Variants in ZNF236 observed in about 807,000 individuals in gnomAD.
The protein encoded by ZNF236 is regulated by glucose.
A neutral mutation model predicts 191.2 loss-of-function variants in ZNF236; 50 were observed. That is an observed-to-expected ratio of 0.26 (90% CI 0.21 to 0.33). ZNF236 has a LOEUF of 0.33. Ranked by LOEUF, ZNF236 falls within the 10% of genes least tolerant of loss-of-function variation. The probability of loss-of-function intolerance (pLI) is 1.00; values close to 1 mark genes in which losing one functional copy is unlikely to be tolerated. For synonymous variants in ZNF236, 907 were observed against 928.8 expected, an observed-to-expected ratio of 0.98 and a Z score of 0.43; for missense variants, 1,754 against 2,374.5, an observed-to-expected ratio of 0.74 and a Z score of 5.43.
rs369801104 is a variant in ZNF236 at position 76,923,189 on chromosome 18, C to G, written c.3661+15C>G. On this transcript the variant is annotated intron_variant, in intron 21 of 30. Transcript: ENST00000320610. Reference sequence around the variant, plus strand: ...GACTCACACAGGTAAGGAAAACATGCCTGCGTCATTGGTAGAGGTCTTAGG... The same window carrying G: ...GACTCACACAGGTAAGGAAAACATGGCTGCGTCATTGGTAGAGGTCTTAGG... 15 of 1,537,960 alleles carry G rather than the reference C, an allele frequency of 9.8e-6. No homozygotes were observed. The highest frequency in any genetic ancestry group is 1.4e-5 in the Non-Finnish European group (15 of 1,110,722).
chr18:76,943,969 G>A (rs1011545261), intron 26 of ZNF236, among the ~76,000 whole-genome samples: 3 of 152,196 alleles, frequency 2.0e-5, no homozygotes, highest in Admixed American at 2.0e-4. Context: ...AGTAAGTGAG[G>A]TTGATTTATG....
chr18:76,847,658 A>G (rs1232324955), intron 1 of ZNF236, among the ~76,000 whole-genome samples: 1 of 152,044 alleles, frequency 6.6e-6, no homozygotes, highest in East Asian at 1.9e-4. Context: ...TTTAGTAGAG[A>G]CAGGGTTTCA....
intron 19 of ZNF236, among the ~76,000 whole-genome samples, chr18:76,916,127 T>C (rs1967357641): frequency 6.6e-6 from 1 of 152,246 alleles, no homozygotes; most frequent in African/African-American, 2.4e-5. Context: ...CTTCCTTTCA[T>C]GCTTGGGCGC....
At chr18:76,881,542 A>T in intron 9 of ZNF236, 30 bp downstream of exon 9, 1 of 1,586,936 alleles carries the variant, frequency 6.3e-7, no homozygotes, top group Non-Finnish European at 8.6e-7. Context: ...AAGTTTGGAC[A>T]TTTGGGATAG....
intron 26 of ZNF236, among the ~76,000 whole-genome samples, chr18:76,943,210 C>G (rs550995435): frequency 1.3e-5 from 2 of 150,230 alleles, no homozygotes; most frequent in South Asian, 4.3e-4. Context: ...GTCCATAATT[C>G]TAATTTAAAA....
At chr18:76,886,543 A>G (rs1397748588) in intron 9 of ZNF236, 3 of 192,418 alleles carry the variant, frequency 1.6e-5, no homozygotes, top group Non-Finnish European at 3.2e-5. Context: ...GTCAATTTCT[A>G]TAGCAAGCCT....
intron 1 of ZNF236, among the ~76,000 whole-genome samples, chr18:76,835,658 C>T (rs1975302695): frequency 6.6e-6 from 1 of 152,098 alleles, no homozygotes; most frequent in South Asian, 2.1e-4. Context: ...AATTCTTTTA[C>T]TTTGTCTTTC....
At chr18:76,902,606 C>CT (rs1187121522) in intron 11 of ZNF236, among the ~76,000 whole-genome samples, 1 of 152,052 alleles carries the variant, frequency 6.6e-6, no homozygotes, top group Non-Finnish European at 1.5e-5. Flanking sequence ...GAGTCTCACT[C>CT]TGTCACCCAG....
At chr18:76,840,156 G>T (rs1367564378) in intron 1 of ZNF236, among the ~76,000 whole-genome samples, 1 of 152,146 alleles carries the variant, frequency 6.6e-6, no homozygotes, top group Admixed American at 6.5e-5. Context: ...AAATTTACAG[G>T]TAGTAAAGCA....
chr18:76,970,993 G>A lies in ZNF236; in HGVS notation c.*2654G>A, dbSNP rs774740362. Among the ~76,000 whole-genome samples, 2 of 152,220 alleles carry A rather than the reference G, an allele frequency of 1.3e-5. No homozygotes were observed. The highest frequency in any genetic ancestry group is 2.9e-5 in the Non-Finnish European group (2 of 68,026). On this transcript the variant is annotated 3_prime_UTR_variant, in exon 31 of 31. Coordinates refer to ENST00000320610, the MANE Select transcript of ZNF236 (RefSeq NM_001306089.2). ...CTGTTCCTGTTCCCTTTCATTTGCT[G>A]CTTTATTCAACGGCACCCAGTCATT... is the stretch of plus-strand genomic sequence containing the variant.
At chr18:76,932,767 G>GT (rs1253136444) in intron 25 of ZNF236, among the ~76,000 whole-genome samples, 1 of 152,244 alleles carries the variant, frequency 6.6e-6, no homozygotes, top group Admixed American at 6.5e-5. Flanking sequence ...TTCAGTTTGA[G>GT]TGGAGTGGTG....
At chr18:76,894,851 G>A (rs561069142) in intron 9 of ZNF236, among the ~76,000 whole-genome samples, 162 bp from the exon 10 acceptor site, 1 of 152,294 alleles carries the variant, frequency 6.6e-6, no homozygotes, top group South Asian at 2.1e-4. Context: ...GGGTTTCAGC[G>A]AGATTAACTC....
chr18:76,882,108 G>C (rs957691019), intron 9 of ZNF236, among the ~76,000 whole-genome samples: 1 of 152,164 alleles, frequency 6.6e-6, no homozygotes, highest in Non-Finnish European at 1.5e-5. Context: ...ACATCATACT[G>C]AAACTGGATT....
At chr18:76,828,486 G>A (rs536171447) in intron 1 of ZNF236, among the ~76,000 whole-genome samples, 25 of 152,264 alleles carry the variant, frequency 1.6e-4, no homozygotes, top group South Asian at 8.3e-4. Flanking sequence ...CCTTTGAAGC[G>A]GCAGGAGGCA....
At chr18:76,958,088 C>T (rs1968565592) in intron 28 of ZNF236, among the ~76,000 whole-genome samples, 1 of 152,166 alleles carries the variant, frequency 6.6e-6, no homozygotes, top group African/African-American at 2.4e-5. Context: ...CTGCTGAGTC[C>T]CCACCAACTT....
intron 1 of ZNF236, among the ~76,000 whole-genome samples, chr18:76,835,171 A>G (rs771019300): frequency 3.9e-5 from 6 of 152,110 alleles, no homozygotes; most frequent in Non-Finnish European, 8.8e-5. Context: ...TCTGATTTCT[A>G]TTGTGAGTTC....
intron 27 of ZNF236, among the ~76,000 whole-genome samples, chr18:76,952,440 G>A (rs115430832): frequency 4.3e-4 from 66 of 152,312 alleles, no homozygotes; most frequent in African/African-American, 1.5e-3. Context: ...CTCTGACCAG[G>A]GACTTGAGAC....
intron 12 of ZNF236, among the ~76,000 whole-genome samples, chr18:76,904,930 G>T (rs112128661): frequency 0.012 from 1,853 of 152,328 alleles, 18 homozygotes; most frequent in Middle Eastern, 0.02. Flanking sequence ...CTTAGAAAAA[G>T]ACATGGCTTC....
intron 26 of ZNF236, 71 bp downstream of exon 26, chr18:76,937,414 T>C: frequency 7.4e-7 from 1 of 1,345,348 alleles, no homozygotes; most frequent in South Asian, 1.8e-5. Flanking sequence ...ATTCATTGAC[T>C]CCTTCCTAAA....
Sources: allele counts gnomAD v4.1 joint callset (sites outside exome capture counted in the v4.1 genomes callset), GRCh38; gene constraint gnomAD v4.1.1; transcripts MANE v1.5; gene names NCBI Gene and HGNC (gene_info 2026-07-23, HGNC 2026-07-21).